Variants in SYT16 observed in about 807,000 individuals in gnomAD.
SYT16 encodes synaptotagmin 16.
In SYT16, 42 loss-of-function variants were observed where a neutral mutation model predicts 61.4. The observed-to-expected ratio is 0.68, with a 90% CI of 0.53 to 0.89. The LOEUF (loss-of-function observed/expected upper bound fraction) is 0.89, where lower values mean the gene tolerates loss of function less well. Among genes scored for constraint, SYT16 ranks in the 40% least tolerant of loss-of-function variants. SYT16 has a pLI of 0.00. For synonymous variants in SYT16, 314 were observed against 302.3 expected (o/e 1.04, Z -0.40); for missense variants, 804 against 807.3 (o/e 1.00, Z 0.05).
At chr14:62,070,114 T>C (rs1409890286) in intron 4 of SYT16, among the ~76,000 whole-genome samples, 1 of 152,202 alleles carries the variant, frequency 6.6e-6, no homozygotes, top group African/African-American at 2.4e-5. Context: ...TTGTTGAGCT[T>C]AGCAAATCTT....
At chr14:62,029,349 A>T (rs2054222160) in intron 3 of SYT16, among the ~76,000 whole-genome samples, 1 of 152,200 alleles carries the variant, frequency 6.6e-6, no homozygotes, top group African/African-American at 2.4e-5. Context: ...AAAAGGAGAT[A>T]GAAAGAGCAT....
At chr14:61,953,871 A>G (rs2050767478) in intron 1 of SYT16, among the ~76,000 whole-genome samples, 1 of 152,190 alleles carries the variant, frequency 6.6e-6, no homozygotes, top group Admixed American at 6.5e-5. Flanking sequence ...AGGAGAATGT[A>G]GTCATGCTGA....
chr14:61,931,879 T>G (rs1230158821), intron 1 of SYT16, among the ~76,000 whole-genome samples: 1 of 152,240 alleles, frequency 6.6e-6, no homozygotes, highest in East Asian at 1.9e-4. Context: ...GTGTCATAAC[T>G]GGGTCAAAGG....
At chr14:61,930,589 C>T (rs2049725200) in intron 1 of SYT16, among the ~76,000 whole-genome samples, 1 of 152,018 alleles carries the variant, frequency 6.6e-6, no homozygotes, top group African/African-American at 2.4e-5. Context: ...AATAGTGCCC[C>T]ACATCCCCTC....
chr14:62,047,951 T>A (rs2055072896), intron 3 of SYT16, among the ~76,000 whole-genome samples: 1 of 152,194 alleles, frequency 6.6e-6, no homozygotes. Context: ...TTTTGTTGTG[T>A]CTCTGCCAGG....
At position 61,950,390 on chromosome 14, in the gene SYT16, C is replaced by CA. The variant is rs547376208; in HGVS notation, c.-324-19741dup. Reference sequence around the variant, plus strand: ...AACACTCATGCTTGCCATATGGAGCCAGACCTATGGCTTTCACAGCTGCAA... The same window carrying CA: ...AACACTCATGCTTGCCATATGGAGCCAAGACCTATGGCTTTCACAGCTGCAA... On this transcript the variant is annotated intron_variant, in intron 1 of 7. Transcript: ENST00000683842. Among the ~76,000 whole-genome samples, 66 of 152,246 alleles carry CA rather than the reference C, an allele frequency of 4.3e-4. 1 individual carries two copies. In the South Asian group the frequency reaches 0.013, roughly 31 times the overall value.
At chr14:61,835,250 A>T (rs866986475) in intron 1 of SYT16, among the ~76,000 whole-genome samples, 1 of 110,812 alleles carries the variant, frequency 9.0e-6, no homozygotes, top group Admixed American at 1.0e-4. Context: ...TGAAAGGTGA[A>T]TTTTTTTTTT....
intron 3 of SYT16, among the ~76,000 whole-genome samples, chr14:62,023,094 AT>A (rs1434775829): frequency 1.3e-5 from 2 of 152,032 alleles, no homozygotes; most frequent in African/African-American, 4.8e-5. Flanking sequence ...AAGCCCAGTA[AT>A]TTGTGACTTA....
upstream of SYT16, chr14:61,812,490 A>G: frequency 6.6e-6 from 1 of 150,996 alleles, no homozygotes; most frequent in South Asian, 2.1e-4. Context: ...AGGGGCGGGA[A>G]AGGAAAGGAG....
intron 1 of SYT16, among the ~76,000 whole-genome samples, chr14:61,890,723 A>G (rs553567170): frequency 1.3e-5 from 2 of 152,256 alleles, no homozygotes; most frequent in Admixed American, 6.5e-5. Context: ...ACGTTAGTAA[A>G]TAAGGGTAGC....
chr14:61,980,052 G>C (rs2052005387), intron 2 of SYT16, among the ~76,000 whole-genome samples: 1 of 151,972 alleles, frequency 6.6e-6, no homozygotes, highest in African/African-American at 2.4e-5. Context: ...ATAGTTTTTT[G>C]TCCTGAAATA....
At chr14:62,044,403 T>A (rs1289554754) in intron 3 of SYT16, among the ~76,000 whole-genome samples, 6 of 152,108 alleles carry the variant, frequency 3.9e-5, no homozygotes. Flanking sequence ...CATCTAGGTT[T>A]TAAGCCCCGC....
At chr14:62,030,382 G>A (rs1279052440) in intron 3 of SYT16, among the ~76,000 whole-genome samples, 2 of 152,182 alleles carry the variant, frequency 1.3e-5, no homozygotes, top group Non-Finnish European at 2.9e-5. Flanking sequence ...CCATTGTGAT[G>A]TTGATGTTAT....
At chr14:61,989,946 G>GTATCCGTATT (rs2052477815) in intron 2 of SYT16, among the ~76,000 whole-genome samples, 1 of 152,172 alleles carries the variant, frequency 6.6e-6, no homozygotes, top group Non-Finnish European at 1.5e-5. Context: ...TGGCTGTACT[G>GTATCCGTATT]TATCCGTATT....
chr14:61,986,411 G>T (rs1285674930), intron 2 of SYT16, among the ~76,000 whole-genome samples: 1 of 150,400 alleles, frequency 6.6e-6, no homozygotes, highest in Non-Finnish European at 1.5e-5. Flanking sequence ...ATTATTATTA[G>T]AACAGGTACT....
chr14:61,832,696 T>C (rs2140237337), intron 1 of SYT16, among the ~76,000 whole-genome samples: 1 of 152,260 alleles, frequency 6.6e-6, no homozygotes, highest in East Asian at 1.9e-4. Flanking sequence ...CCTCGGCCTC[T>C]CAAGGTGTTA....
At chr14:62,078,870 G>A (rs373379108) in intron 5 of SYT16, among the ~76,000 whole-genome samples, 7 of 152,330 alleles carry the variant, frequency 4.6e-5, no homozygotes, top group African/African-American at 1.7e-4. Context: ...AGTAGTTCCA[G>A]GCTGAAACTA....
chr14:61,994,791 A>C (rs1426830838), intron 2 of SYT16, among the ~76,000 whole-genome samples: 2 of 152,196 alleles, frequency 1.3e-5, no homozygotes, highest in African/African-American at 4.8e-5. Flanking sequence ...CCAGCATTTA[A>C]TAGATAATCA....
At chr14:61,880,593 A>G (rs2047666357) in intron 1 of SYT16, among the ~76,000 whole-genome samples, 1 of 152,200 alleles carries the variant, frequency 6.6e-6, no homozygotes, top group African/African-American at 2.4e-5. Flanking sequence ...CTTCCTACTC[A>G]TTAACACATA....
Sources: gnomAD v4.1 joint callset for allele counts (sites outside exome capture counted in the v4.1 genomes callset) on GRCh38, gnomAD v4.1.1 for gene constraint, MANE v1.5 for transcripts, NCBI Gene and HGNC (gene_info 2026-07-23, HGNC 2026-07-21) for gene names.